KCNMA1: variants seen among roughly 807,000 people sequenced by gnomAD.
KCNMA1 encodes the protein Calcium-activated potassium channel subunit alpha-1.
KCNMA1 carries 29 observed loss-of-function variants against 140.0 expected under a neutral mutation model. The ratio of observed to expected loss-of-function variants is 0.21; its 90% CI spans 0.15 to 0.28. KCNMA1 has a LOEUF of 0.28. KCNMA1 is among the 10% of genes least tolerant of loss of function. The probability of loss-of-function intolerance (pLI) is 1.00; values close to 1 mark genes in which losing one functional copy is unlikely to be tolerated. For missense variants in KCNMA1, 880 were observed against 1,602.2 expected (o/e 0.55, Z 7.70); for synonymous variants, 612 against 611.9 (o/e 1.00, Z 0.00).
At chr10:77,216,271 G>A (rs183061184) in intron 3 of KCNMA1, among the ~76,000 whole-genome samples, 62 of 152,198 alleles carry the variant, frequency 4.1e-4, no homozygotes, top group African/African-American at 1.4e-3. Flanking sequence ...AGATTGCAGC[G>A]ATAGTTGCAC....
Position 77,561,471 on chromosome 10 carries a change from G to A in KCNMA1, c.378+75794C>T, listed in dbSNP as rs940961437. ...CCCACACTCACATAGATACTAAGTG[G>A]TGGGGCCAGGGTTTGAACCCAGATG... On this transcript the variant is annotated intron_variant, in intron 1 of 27. Coordinates refer to ENST00000286628, the MANE Select transcript of KCNMA1 (RefSeq NM_001161352.2). Among the ~76,000 whole-genome samples, 4 of 152,188 alleles carry A rather than the reference G, an allele frequency of 2.6e-5. No homozygotes were observed. In the South Asian group the frequency reaches 6.2e-4, roughly 24 times the overall value.
In KCNMA1 at chr10:77,557,451, T is replaced by G. The variant is rs77137084; in HGVS notation, c.378+79814A>C. ...CCCAACTGGGTTTATGAGACAAGCATGTAGTTCAACACTGTTTATACAGTT... is the reference window on the plus strand; with the variant it reads ...CCCAACTGGGTTTATGAGACAAGCAGGTAGTTCAACACTGTTTATACAGTT... On this transcript the variant is annotated intron_variant, in intron 1 of 27. Transcript: ENST00000286628. 3.1e-3 allele frequency among the ~76,000 whole-genome samples: 466 copies of G among 152,290 alleles called. 2 individuals are homozygous for G. The highest frequency in any genetic ancestry group is 0.011 in the African/African-American group (445 of 41,564).
At chr10:77,019,450 T>C (rs558057128) in intron 16 of KCNMA1, 2 of 281,852 alleles carry the variant, frequency 7.1e-6, no homozygotes, top group South Asian at 9.1e-5. Flanking sequence ...AAACTGCTAT[T>C]GGTGGTCAAC....
intron 2 of KCNMA1, among the ~76,000 whole-genome samples, chr10:77,394,698 G>A (rs893842395): frequency 1.2e-4 from 18 of 152,200 alleles, no homozygotes; most frequent in African/African-American, 4.3e-4. Context: ...GGAAGTGAAT[G>A]TAGACACGTC....
At chr10:76,883,723 T>TTTG (rs1237699434), downstream of KCNMA1, among the ~76,000 whole-genome samples, 1 of 57,462 alleles carries the variant, frequency 1.7e-5, no homozygotes, top group East Asian at 2.2e-4. Context: ...ACTTCCTTGT[T>TTTG]TTTTTTTTTT....
At chr10:77,599,338 T>C (rs2081925465) in intron 1 of KCNMA1, among the ~76,000 whole-genome samples, 1 of 152,242 alleles carries the variant, frequency 6.6e-6, no homozygotes. Context: ...ACTCTGTTGC[T>C]TCTAATAATT....
At chr10:77,388,990 G>A (rs2095713901) in intron 2 of KCNMA1, among the ~76,000 whole-genome samples, 1 of 152,220 alleles carries the variant, frequency 6.6e-6, no homozygotes, top group South Asian at 2.1e-4. Context: ...AGGCACAAGG[G>A]CAGAGGAATA....
chr10:77,469,896 G>A (rs1370710383), intron 1 of KCNMA1, among the ~76,000 whole-genome samples: 1 of 152,186 alleles, frequency 6.6e-6, no homozygotes, highest in Non-Finnish European at 1.5e-5. Context: ...GGAAGCCGCT[G>A]ATAGCTCCTC....
downstream of KCNMA1, among the ~76,000 whole-genome samples, chr10:76,882,045 C>T (rs1050876730): frequency 6.6e-6 from 1 of 152,140 alleles, no homozygotes; most frequent in Admixed American, 6.5e-5. Flanking sequence ...CTCCTCCAGC[C>T]ACAGGGCTGC....
At chr10:77,058,648 C>T (rs1300828140) in intron 14 of KCNMA1, among the ~76,000 whole-genome samples, 2 of 152,048 alleles carry the variant, frequency 1.3e-5, no homozygotes, top group Non-Finnish European at 2.9e-5. Flanking sequence ...AGGCAACACA[C>T]TTCTAAATAA....
chr10:76,962,930 A>C (rs2072280121), intron 20 of KCNMA1, among the ~76,000 whole-genome samples: 1 of 152,218 alleles, frequency 6.6e-6, no homozygotes, highest in Non-Finnish European at 1.5e-5. Flanking sequence ...GTTTTTGAAC[A>C]ATCAGGGTTC....
intron 3 of KCNMA1, among the ~76,000 whole-genome samples, chr10:77,232,499 C>A (rs555629840): frequency 1.3e-5 from 2 of 152,328 alleles, no homozygotes; most frequent in Admixed American, 1.3e-4. Flanking sequence ...ATTTGCATTT[C>A]TCTGATGACT....
intron 19 of KCNMA1, among the ~76,000 whole-genome samples, chr10:76,988,373 A>G (rs2081860213): frequency 6.6e-6 from 1 of 152,156 alleles, no homozygotes; most frequent in Admixed American, 6.6e-5. Flanking sequence ...ACTGGACCTC[A>G]AAGATATGGC....
At chr10:77,038,007 T>G (rs1230031606) in intron 15 of KCNMA1, among the ~76,000 whole-genome samples, 4 of 152,154 alleles carry the variant, frequency 2.6e-5, no homozygotes, top group African/African-American at 7.2e-5. Flanking sequence ...AATAACTCCT[T>G]CCGAATCAAT....
In KCNMA1 at chr10:77,599,811, C is replaced by T. The variant is rs116224431; in HGVS notation, c.378+37454G>A. ...GTCAGGAGGAACAAGGCCTGGGACC[C>T]GGAAGATAATGACACCACTCCCACC... On this transcript the variant is annotated intron_variant, in intron 1 of 27. Transcript: ENST00000286628. 1.7e-3 allele frequency among the ~76,000 whole-genome samples: 260 copies of T among 152,198 alleles called. 1 individual carries two copies. The highest frequency in any genetic ancestry group is 6.0e-3 in the African/African-American group (251 of 41,520).
chr10:76,902,636 C>A (rs1018970893), intron 25 of KCNMA1: 1 of 152,164 alleles, frequency 6.6e-6, no homozygotes, highest in Non-Finnish European at 1.5e-5. Flanking sequence ...ACTAGCGAAG[C>A]CCTTCTTCTG....
At chr10:76,938,832 G>A (rs577887320) in intron 23 of KCNMA1, among the ~76,000 whole-genome samples, 39 of 152,044 alleles carry the variant, frequency 2.6e-4, no homozygotes, top group Admixed American at 1.7e-3. Flanking sequence ...CATTCGCTCC[G>A]TCTCAAGCCA....
At chr10:77,361,595 G>A (rs1027586716) in intron 2 of KCNMA1, among the ~76,000 whole-genome samples, 10 of 152,228 alleles carry the variant, frequency 6.6e-5, no homozygotes, top group East Asian at 1.9e-4. Flanking sequence ...AGGAGTTTCC[G>A]CCTAATTGCT....
At chr10:77,318,483 G>A (rs906293437) in intron 2 of KCNMA1, among the ~76,000 whole-genome samples, 4 of 152,088 alleles carry the variant, frequency 2.6e-5, no homozygotes, top group African/African-American at 9.7e-5. Flanking sequence ...AGGGCCCCAT[G>A]GGTCTCCACT....
Sources: allele counts gnomAD v4.1 joint callset (sites outside exome capture counted in the v4.1 genomes callset), GRCh38; gene constraint gnomAD v4.1.1; transcripts MANE v1.5; gene names NCBI Gene and HGNC (gene_info 2026-07-23, HGNC 2026-07-21).